Variants in OR10AG1 observed in about 807,000 individuals in gnomAD.
OR10AG1 encodes olfactory receptor 10AG1.
For synonymous variants in OR10AG1, 147 were observed against 128.6 expected, an observed-to-expected ratio of 1.14 and a Z score of -0.97; for missense variants, 433 against 376.5, an observed-to-expected ratio of 1.15 and a Z score of -1.24.
chr11:55,967,865 A>G lies in OR10AG1; in HGVS notation c.659T>C (p.Val220Ala). ...VHVVAVVFIT[V>A]PFLLIVVSYG... ...AGAGACAACAATCAACAGAAATGGC[A>G]CCGTGATAAACACCACCGCTACTAC... is the stretch of plus-strand genomic sequence containing the variant. Residue 220 changes from valine (V) to alanine (A), a missense_variant, in exon 2 of 2, where the codon GTG becomes GCG. Transcript: ENST00000641071. 6.2e-7 allele frequency: 1 copy of G among 1,614,132 alleles called. No individual in the cohort carries two copies. Among genetic ancestry groups the G allele is most frequent in the Non-Finnish European group, 8.5e-7 (1 of 1,180,000 alleles).
chr11:55,968,117 G>T lies in OR10AG1; in HGVS notation c.407C>A (p.Ala136Asp), dbSNP rs1176676760. Reference sequence around the variant, plus strand: ...AGGATACTGCAAAGGCTTACAAATAGCCACGTAGCGGTCATAGGCCATCAC... The same window carrying T: ...AGGATACTGCAAAGGCTTACAAATATCCACGTAGCGGTCATAGGCCATCAC... ...LTVMAYDRYV[A>D]ICKPLQYPLV... is the part of the protein sequence containing the mutation. Residue 136 changes from alanine to aspartate, a missense_variant, in exon 2 of 2, where the codon GCT becomes GAT. By Grantham distance (126) the Ala-to-Asp change is moderately radical. Coordinates refer to ENST00000641071, the MANE Select transcript of OR10AG1 (RefSeq NM_001005491.2). The T allele has an allele frequency of 6.2e-7, 1 of 1,613,894 alleles. No individual in the cohort carries two copies. The highest frequency in any genetic ancestry group is 1.1e-5 in the South Asian group (1 of 91,066).
rs1205203342 is a variant in OR10AG1, at chr11:55,966,394, A to G, written c.*1164T>C. On this transcript the variant is annotated 3_prime_UTR_variant, in exon 2 of 2. Coordinates refer to ENST00000641071, the MANE Select transcript of OR10AG1 (RefSeq NM_001005491.2). ...GCTGAATCAGCTGAGGCAAGGTGGAATACAGAATTCATTCCAGATATTCAA... is the reference window on the plus strand; with the variant it reads ...GCTGAATCAGCTGAGGCAAGGTGGAGTACAGAATTCATTCCAGATATTCAA... The G allele has an allele frequency of 6.6e-6, 1 of 151,830 alleles. No individual in the cohort carries two copies. The highest frequency in any genetic ancestry group is 1.5e-5 in the Non-Finnish European group (1 of 67,990). 9.4% of individuals were successfully genotyped at this position (151,830 alleles called of 1,614,324 possible).
rs151187533 is a variant in OR10AG1, at chr11:55,968,205, C to G, written c.319G>C (p.Ala107Pro). 855 of 1,613,970 alleles carry G rather than the reference C, an allele frequency of 5.3e-4. 3 individuals carry two copies. Among genetic ancestry groups the G allele is most frequent in the Non-Finnish European group, 6.5e-4 (770 of 1,179,938 alleles). ...WTQKGNISLF[A>P]CATQMCFFLM... Reference sequence around the variant, plus strand: ...AAAAAACACATTTGTGTAGCACAAGCAAACAAAGAAATATTTCCTTTCTGA... The same window carrying G: ...AAAAAACACATTTGTGTAGCACAAGGAAACAAAGAAATATTTCCTTTCTGA... Residue 107 changes from alanine to proline, a missense_variant, in exon 2 of 2, where the codon GCT becomes CCT. Coordinates refer to ENST00000641071, the MANE Select transcript of OR10AG1 (RefSeq NM_001005491.2).
chr11:55,967,570 C>T lies in OR10AG1; in HGVS notation c.954G>A (p.Lys318=). ...IMVALRKLLA[K]LLT ...TCAAGTCTTCATCTCATGTTAATAA[C>T]TTAGCTAGTAATTTTCTCAATGCCA... The change falls in exon 2 of 2, where the codon AAG becomes AAA. Residue 318 remains lysine (K), a synonymous_variant. Transcript: ENST00000641071. 6.3e-7 allele frequency: 1 copy of T among 1,577,738 alleles called. No individual in the cohort carries two copies. Among genetic ancestry groups the T allele is most frequent in the Non-Finnish European group, 8.6e-7 (1 of 1,157,340 alleles).
rs1465452764 is a variant in OR10AG1 at position 55,967,827 on chromosome 11, T to C, written c.697A>G (p.Ile233Val). The C allele has an allele frequency of 1.2e-6, 2 of 1,614,090 alleles. No homozygotes were observed. Among genetic ancestry groups the C allele is most frequent in the Admixed American group, 1.7e-5 (1 of 60,020 alleles). The stretch of plus-strand genomic sequence containing the variant: ...GATGACAATTTCAAAATGTTGGAGA[T>C]AATTTTGCCATAAGAGACAACAATC... The part of the protein sequence containing the change: ...LLIVVSYGKI[I>V]SNILKLSSAR... Residue 233 changes from isoleucine (I) to valine (V), a missense_variant, in exon 2 of 2, where the codon ATC (isoleucine) becomes GTC (valine). Transcript: ENST00000641071.
At chr11:55,969,569 C>T (rs910919138) in intron 1 of OR10AG1, among the ~76,000 whole-genome samples, 1 of 152,020 alleles carries the variant, frequency 6.6e-6, no homozygotes, top group Non-Finnish European at 1.5e-5. Flanking sequence ...TATTTTAGCC[C>T]GGTCAGCCAA....
chr11:55,966,871 A>T lies in OR10AG1; in HGVS notation c.*687T>A, dbSNP rs561829560. Reference sequence around the variant, plus strand: ...TTTTTCTAAATAAGATTAAATTTGAAGGTTCTAGTTGGAGATTTCTATTTT... The same window carrying T: ...TTTTTCTAAATAAGATTAAATTTGATGGTTCTAGTTGGAGATTTCTATTTT... On this transcript the variant is annotated 3_prime_UTR_variant, in exon 2 of 2. Coordinates refer to ENST00000641071, the MANE Select transcript of OR10AG1 (RefSeq NM_001005491.2). 3 of 152,218 alleles carry T rather than the reference A, an allele frequency of 2.0e-5. No homozygotes were observed. Among genetic ancestry groups the T allele is most frequent in the African/African-American group, 7.2e-5 (3 of 41,494 alleles). 9.4% of individuals were successfully genotyped at this position (152,218 alleles called of 1,614,324 possible). A position where few individuals can be genotyped will look rare whatever the true frequency, so the allele number is the denominator to read the frequency against.
Position 55,966,970 on chromosome 11 carries a change from G to C in OR10AG1, c.*588C>G, listed in dbSNP as rs1455347834. Reference sequence around the variant, plus strand: ...TGAAAACTAAATATTAACAAAGCAAGACCTGAAGCTACAAGGAAAGAAAAT... The same window carrying C: ...TGAAAACTAAATATTAACAAAGCAACACCTGAAGCTACAAGGAAAGAAAAT... On this transcript the variant is annotated 3_prime_UTR_variant, in exon 2 of 2. Transcript: ENST00000641071. 6.6e-6 allele frequency: 1 copy of C among 152,136 alleles called. No individual in the cohort carries two copies. Among genetic ancestry groups the C allele is most frequent in the East Asian group, 1.9e-4 (1 of 5,192 alleles). The allele number at this position is 152,136 out of a possible 1,614,324, so 9.4% of individuals were successfully genotyped here.
At chr11:55,969,640 T>C (rs1479591993) in intron 1 of OR10AG1, among the ~76,000 whole-genome samples, 1 of 152,224 alleles carries the variant, frequency 6.6e-6, no homozygotes, top group East Asian at 1.9e-4. Context: ...CTCATATTTA[T>C]ACATTTCTAT....
At chr11:55,969,371 A>G (rs1256618666) in intron 1 of OR10AG1, among the ~76,000 whole-genome samples, 1 of 152,108 alleles carries the variant, frequency 6.6e-6, no homozygotes, top group Admixed American at 6.5e-5. Context: ...GCCAGAGCAT[A>G]TAAATGGGAC....
chr11:55,967,515 C>A lies in OR10AG1; in HGVS notation c.*43G>T. 7.5e-7 allele frequency: 1 copy of A among 1,328,190 alleles called. No homozygotes were observed. Among genetic ancestry groups the A allele is most frequent in the Non-Finnish European group, 1.0e-6 (1 of 960,636 alleles). 82.3% of individuals were successfully genotyped at this position (1,328,190 alleles called of 1,614,324 possible). On this transcript the variant is annotated 3_prime_UTR_variant, in exon 2 of 2. Transcript: ENST00000641071. ...AAAAAAATTCACTGAAGCCACATGA[C>A]AAACCTATAAAGAAATTATTTCTGT...
Position 55,968,522 on chromosome 11 carries a change from A to C in OR10AG1, c.17-15T>G. Reference sequence around the variant, plus strand: ...TTGCTCTCCATCTGCAGATATAGCAAATTCAAGACAGTTAATTCATCCATA... The same window carrying C: ...TTGCTCTCCATCTGCAGATATAGCACATTCAAGACAGTTAATTCATCCATA... On this transcript the variant is annotated splice_polypyrimidine_tract_variant and intron_variant, in intron 1 of 1. Coordinates refer to ENST00000641071, the MANE Select transcript of OR10AG1 (RefSeq NM_001005491.2). 9.5e-7 allele frequency: 1 copy of C among 1,054,696 alleles called. No homozygotes were observed. Among genetic ancestry groups the C allele is most frequent in the South Asian group, 1.6e-5 (1 of 62,848 alleles). 65.3% of individuals were successfully genotyped at this position (1,054,696 alleles called of 1,614,324 possible).
In OR10AG1 at chr11:55,967,913, A is replaced by G; in HGVS notation, c.611T>C (p.Phe204Ser). The G allele has an allele frequency of 1.2e-6, 2 of 1,614,122 alleles. No homozygotes were observed. Among genetic ancestry groups the G allele is most frequent in the Admixed American group, 1.7e-5 (1 of 60,028 alleles). Residue 204 changes from phenylalanine to serine, a missense_variant, in exon 2 of 2, where the codon TTT becomes TCT. Physicochemically the swap from Phe to Ser is radical, Grantham distance 155. Transcript: ENST00000641071. ...PILKLACGNIFVNEITVHVVA... is the reference protein window; with the variant it reads ...PILKLACGNISVNEITVHVVA... ...TACATGGACTGTTATCTCATTCACA[A>G]ATATGTTTCCACAAGCAAGCTTGAG...
Position 55,968,389 on chromosome 11 carries a change from C to T in OR10AG1, c.135G>A (p.Met45Ile). ...HWMLFSIFLL[M>I]YLMILMCNGI... Reference sequence around the variant, plus strand: ...CATTGCACATCAGGATCATCAAATACATAAGTAAAAATATACTAAAAAGCA... The same window carrying T: ...CATTGCACATCAGGATCATCAAATATATAAGTAAAAATATACTAAAAAGCA... Residue 45 changes from methionine to isoleucine, a missense_variant, in exon 2 of 2, where the codon ATG becomes ATA. Transcript: ENST00000641071. 1 of 1,604,344 alleles carries T rather than the reference C, an allele frequency of 6.2e-7. No individual in the cohort carries two copies. Among genetic ancestry groups the T allele is most frequent in the Non-Finnish European group, 8.5e-7 (1 of 1,173,280 alleles).
Position 55,967,480 on chromosome 11 carries a change from AC to A in OR10AG1, c.*77del. ...GTACTCATTATTGAATACCATAGGG[AC>A]AAAGTTAAAAAAAAATTCACTGAAG... On this transcript the variant is annotated 3_prime_UTR_variant, in exon 2 of 2. Transcript: ENST00000641071. 1 of 848,112 alleles carries A rather than the reference AC, an allele frequency of 1.2e-6. No homozygotes were observed. The highest frequency in any genetic ancestry group is 1.9e-6 in the Non-Finnish European group (1 of 536,752). The allele number at this position is 848,112 out of a possible 1,614,324, so 52.5% of individuals were successfully genotyped here. A position where few individuals can be genotyped will look rare whatever the true frequency, so the allele number is the denominator to read the frequency against.
chr11:55,967,615 C>T lies in OR10AG1; in HGVS notation c.909G>A (p.Leu303=), dbSNP rs12292026. 6,393 of 1,608,948 alleles carry T rather than the reference C, an allele frequency of 4.0e-3. 258 individuals carry two copies. In the African/African-American group the frequency reaches 0.072, roughly 18 times the overall value. ...ATGCCACCATGATATCTTTGTTCCT[C>T]AGGGTATATATAATAGGATTCAAAG... ...IPTLNPIIYT[L]RNKDIMVALR... The change falls in exon 2 of 2, where the codon CTG becomes CTA. Residue 303 remains leucine, a synonymous_variant. Coordinates refer to ENST00000641071, the MANE Select transcript of OR10AG1 (RefSeq NM_001005491.2).
intron 1 of OR10AG1, among the ~76,000 whole-genome samples, chr11:55,969,199 C>CT (rs142137717): frequency 6.6e-6 from 1 of 151,738 alleles, no homozygotes; most frequent in Admixed American, 6.6e-5. Context: ...TTTTACATTT[C>CT]TTTTTTTTAT....
chr11:55,968,146 CAGA>C lies in OR10AG1; in HGVS notation c.375_377del (p.Leu126del), dbSNP rs1852708611. The stretch of plus-strand genomic sequence containing the variant: ...CGTAGCGGTCATAGGCCATCACTGT[CAGA>C]AGGAGACACTCCGTGCCTCCAAGCA... On this transcript the variant is annotated inframe_deletion, in exon 2 of 2. Transcript: ENST00000641071. The C allele has an allele frequency of 4.3e-6, 7 of 1,613,662 alleles. No individual in the cohort carries two copies. Among genetic ancestry groups the C allele is most frequent in the African/African-American group, 1.3e-5 (1 of 74,772 alleles).
At chr11:55,969,866 A>G (rs1291151227) in intron 1 of OR10AG1, 26 bp downstream of exon 1, 16 of 398,206 alleles carry the variant, frequency 4.0e-5, no homozygotes, top group Non-Finnish European at 1.3e-5. Context: ...TAAATAAAAT[A>G]GTCTGTCAAC....
Sources: allele counts gnomAD v4.1 joint callset (sites outside exome capture counted in the v4.1 genomes callset), GRCh38; gene constraint gnomAD v4.1.1; transcripts MANE v1.5; gene names NCBI Gene and HGNC (gene_info 2026-07-23, HGNC 2026-07-21).